The following GALNTL6 variants were observed in gnomAD, a reference collection of about 807,000 sequenced individuals.
GALNTL6 encodes the protein polypeptide N-acetylgalactosaminyltransferase like 6.
GALNTL6 carries 46 observed loss-of-function variants against 73.7 expected under a neutral mutation model. The ratio of observed to expected loss-of-function variants is 0.62; its 90% CI spans 0.49 to 0.80. The LOEUF (loss-of-function observed/expected upper bound fraction) is 0.80. Ranked by LOEUF, GALNTL6 falls within the 30% of genes least tolerant of loss-of-function variation. GALNTL6 has a pLI of 0.00. For synonymous variants in GALNTL6, 259 were observed against 263.7 expected (o/e 0.98, Z 0.17); for missense variants, 604 against 755.0 (o/e 0.80, Z 2.34).
At chr4:172,858,537 CTT>C (rs1477679958) in intron 7 of GALNTL6, among the ~76,000 whole-genome samples, 5 of 152,086 alleles carry the variant, frequency 3.3e-5, no homozygotes, top group Admixed American at 1.3e-4. Context: ...CAAAGAAAAA[CTT>C]TGGCTGCTGG....
At chr4:172,309,135 G>A (rs1346368834) in intron 3 of GALNTL6, among the ~76,000 whole-genome samples, 1 of 151,780 alleles carries the variant, frequency 6.6e-6, no homozygotes, top group East Asian at 1.9e-4. Flanking sequence ...AAAGATTTTT[G>A]TTTCTTTTCC....
At chr4:172,559,511 G>A (rs1322389002) in intron 5 of GALNTL6, among the ~76,000 whole-genome samples, 2 of 152,162 alleles carry the variant, frequency 1.3e-5, no homozygotes, top group Non-Finnish European at 1.5e-5. Context: ...ATGCTGAAAT[G>A]TAACTCTTCT....
intron 2 of GALNTL6, among the ~76,000 whole-genome samples, chr4:172,188,396 C>A (rs948290719): frequency 6.6e-6 from 1 of 152,082 alleles, no homozygotes; most frequent in East Asian, 1.9e-4. Context: ...CATATTTGAG[C>A]ATTTATTTGT....
chr4:171,883,778 G>T (rs1249592015), intron 2 of GALNTL6, among the ~76,000 whole-genome samples: 2 of 151,876 alleles, frequency 1.3e-5, no homozygotes, highest in East Asian at 3.9e-4. Flanking sequence ...CTCCCGAGTA[G>T]CTGGGACTAC....
chr4:172,018,095 G>T (rs1741267146), intron 2 of GALNTL6, among the ~76,000 whole-genome samples: 1 of 152,076 alleles, frequency 6.6e-6, no homozygotes, highest in Admixed American at 6.6e-5. Context: ...ACCTTCCTGG[G>T]AGCAGAGTTA....
intron 5 of GALNTL6, among the ~76,000 whole-genome samples, chr4:172,496,803 A>C (rs918015911): frequency 2.6e-5 from 4 of 152,230 alleles, no homozygotes; most frequent in Non-Finnish European, 5.9e-5. Context: ...TCTAAATTCT[A>C]TCTCAGCCAC....
chr4:172,446,886 TTC>T (rs1237655765), intron 5 of GALNTL6, among the ~76,000 whole-genome samples: 3 of 152,148 alleles, frequency 2.0e-5, no homozygotes, highest in African/African-American at 7.2e-5. Context: ...AGGTCTGAAT[TTC>T]TCTGACTCCT....
chr4:172,709,759 A>C (rs943992648), intron 5 of GALNTL6, among the ~76,000 whole-genome samples: 2 of 152,320 alleles, frequency 1.3e-5, no homozygotes, highest in Non-Finnish European at 1.5e-5. Context: ...GATGAATTAC[A>C]AAGTTAAATG....
chr4:172,896,408 G>T (rs929698664), intron 8 of GALNTL6, among the ~76,000 whole-genome samples: 3 of 152,164 alleles, frequency 2.0e-5, no homozygotes, highest in Admixed American at 6.5e-5. Context: ...GGTTGATGTG[G>T]TTTCTCAGTC....
At chr4:172,337,686 C>G (rs1741389732) in intron 4 of GALNTL6, among the ~76,000 whole-genome samples, 1 of 125,000 alleles carries the variant, frequency 8.0e-6, no homozygotes, top group African/African-American at 2.9e-5. Flanking sequence ...CTCTACCCGT[C>G]TTTAAGGTTT....
chr4:172,177,751 ATATG>A (rs1735054310), intron 2 of GALNTL6, among the ~76,000 whole-genome samples: 3 of 139,300 alleles, frequency 2.2e-5, no homozygotes, highest in Non-Finnish European at 4.5e-5. Context: ...ATGTGTATAT[ATATG>A]TGTGTATATA....
In GALNTL6 at chr4:173,041,279, G is replaced by GT. The variant is rs1216380039; in HGVS notation, c.*1182dup. 1 of 151,368 alleles carries GT rather than the reference G, an allele frequency of 6.6e-6. No homozygotes were observed. Among genetic ancestry groups the GT allele is most frequent in the Non-Finnish European group, 1.5e-5 (1 of 67,890 alleles). 9.4% of individuals were successfully genotyped at this position (151,368 alleles called of 1,614,324 possible). On this transcript the variant is annotated 3_prime_UTR_variant, in exon 13 of 13. Transcript: ENST00000506823. ...TAAAAGGAATTACCATTAATAAAGT[G>GT]TTTCTGACACCATTTTCTGTTAATG...
At chr4:172,851,334 T>C (rs1345463451) in intron 7 of GALNTL6, among the ~76,000 whole-genome samples, 1 of 151,914 alleles carries the variant, frequency 6.6e-6, no homozygotes, top group African/African-American at 2.4e-5. Flanking sequence ...GCTCAGGAAA[T>C]TACAAGGGTT....
chr4:172,077,092 T>C (rs886884641), intron 2 of GALNTL6, among the ~76,000 whole-genome samples: 32 of 152,222 alleles, frequency 2.1e-4, no homozygotes, highest in African/African-American at 7.2e-4. Flanking sequence ...GTTAAACCTA[T>C]GGAACTGTGA....
intron 5 of GALNTL6, among the ~76,000 whole-genome samples, chr4:172,488,275 T>G (rs921208194): frequency 4.6e-5 from 7 of 152,220 alleles, no homozygotes; most frequent in African/African-American, 1.7e-4. Flanking sequence ...AGGCCTCCTC[T>G]AACTTATTTG....
At chr4:172,604,018 A>G (rs1260761817) in intron 5 of GALNTL6, among the ~76,000 whole-genome samples, 2 of 152,236 alleles carry the variant, frequency 1.3e-5, no homozygotes, top group Non-Finnish European at 2.9e-5. Flanking sequence ...GACGGTCAGT[A>G]TAAGTGCGTT....
intron 5 of GALNTL6, chr4:172,379,930 CTG>C: frequency 3.2e-6 from 2 of 624,032 alleles, no homozygotes; most frequent in South Asian, 3.5e-5. Context: ...GGCTTTTATT[CTG>C]TAGTGTTTCT....
chr4:172,893,345 C>CGG (rs34438659), intron 8 of GALNTL6, among the ~76,000 whole-genome samples: 18 of 110,210 alleles, frequency 1.6e-4, no homozygotes, highest in South Asian at 5.7e-4. Context: ...CTGAGAGTGG[C>CGG]GGGGGGGGGG....
At chr4:172,231,568 A>T (rs1207042958) in intron 3 of GALNTL6, among the ~76,000 whole-genome samples, 1 of 152,168 alleles carries the variant, frequency 6.6e-6, no homozygotes. Context: ...GCAAGGACAC[A>T]ACAGGAGAAA....
Sources: gnomAD v4.1 joint callset for allele counts (sites outside exome capture counted in the v4.1 genomes callset) on GRCh38, gnomAD v4.1.1 for gene constraint, MANE v1.5 for transcripts, NCBI Gene and HGNC (gene_info 2026-07-23, HGNC 2026-07-21) for gene names.